GRM7: variants seen among roughly 807,000 people sequenced by gnomAD.
GRM7 encodes metabotropic glutamate receptor 7.
GRM7 carries 35 observed loss-of-function variants against 84.5 expected under a neutral mutation model. That is an observed-to-expected ratio of 0.41 (90% CI 0.32 to 0.55). The LOEUF is 0.55. Ranked by LOEUF, GRM7 falls within the 20% of genes least tolerant of loss-of-function variation. GRM7 has a pLI of 0.19. For missense variants in GRM7, 1,003 were observed against 1,194.6 expected (o/e 0.84, Z 2.36); for synonymous variants, 487 against 455.1 (o/e 1.07, Z -0.89).
At chr3:7,523,478 C>T (rs564769423) in intron 7 of GRM7, among the ~76,000 whole-genome samples, 1 of 152,184 alleles carries the variant, frequency 6.6e-6, no homozygotes, top group South Asian at 2.1e-4. Flanking sequence ...CAGGCATCTC[C>T]GAGCTGGTAG....
chr3:7,186,055 T>C (rs998083700), intron 2 of GRM7, among the ~76,000 whole-genome samples: 15 of 152,220 alleles, frequency 9.9e-5, no homozygotes, highest in Non-Finnish European at 1.6e-4. Context: ...ACCATGGGCA[T>C]GTCTGGCTGC....
intron 7 of GRM7, among the ~76,000 whole-genome samples, chr3:7,514,836 G>C (rs145138522): frequency 6.6e-6 from 1 of 152,106 alleles, no homozygotes; most frequent in Non-Finnish European, 1.5e-5. Flanking sequence ...CGCAGGTGCA[G>C]GATTTTATTC....
At chr3:7,677,020 G>T (rs2125137332) in intron 8 of GRM7, among the ~76,000 whole-genome samples, 1 of 152,130 alleles carries the variant, frequency 6.6e-6, no homozygotes, top group South Asian at 2.1e-4. Flanking sequence ...CCAGCACTTT[G>T]GGAGGCCGAG....
At chr3:7,439,888 G>T (rs1052598788) in intron 5 of GRM7, among the ~76,000 whole-genome samples, 2 of 151,576 alleles carry the variant, frequency 1.3e-5, no homozygotes, top group Non-Finnish European at 2.9e-5. Context: ...AAGACAGAGG[G>T]AGCTGGCTAT....
At chr3:7,716,733 T>C (rs1478016253) in intron 9 of GRM7, among the ~76,000 whole-genome samples, 1 of 152,212 alleles carries the variant, frequency 6.6e-6, no homozygotes, top group African/African-American at 2.4e-5. Context: ...AATTGACATT[T>C]GGGCTGTATT....
chr3:7,045,002 A>T (rs1047877096), intron 1 of GRM7, among the ~76,000 whole-genome samples: 2 of 152,170 alleles, frequency 1.3e-5, no homozygotes, highest in Admixed American at 1.3e-4. Context: ...CTGTTGAATG[A>T]TTGGCACAGA....
At chr3:7,579,383 T>G in intron 8 of GRM7, 26 bp downstream of exon 8, 1 of 1,355,312 alleles carries the variant, frequency 7.4e-7, no homozygotes, top group Non-Finnish European at 1.0e-6. Context: ...CATCATAATA[T>G]GTTTTTTAAA....
chr3:7,737,090 G>A (rs1160142967), intron 9 of GRM7, among the ~76,000 whole-genome samples: 2 of 152,054 alleles, frequency 1.3e-5, no homozygotes, highest in Admixed American at 6.6e-5. Flanking sequence ...GCACTTTGAG[G>A]AATGAAATTT....
At chr3:7,070,467 T>G (rs1398763562) in intron 1 of GRM7, among the ~76,000 whole-genome samples, 1 of 152,166 alleles carries the variant, frequency 6.6e-6, no homozygotes, top group Non-Finnish European at 1.5e-5. Flanking sequence ...AAACTTATTT[T>G]TATTTAATCA....
chr3:7,480,270 A>G (rs1184433430), intron 7 of GRM7, among the ~76,000 whole-genome samples: 2 of 152,198 alleles, frequency 1.3e-5, no homozygotes, highest in African/African-American at 2.4e-5. Context: ...CTCTCCTGCA[A>G]TGTATTTTCC....
chr3:7,579,514 C>A (rs1018214218), intron 8 of GRM7, among the ~76,000 whole-genome samples, 157 bp downstream of exon 8: 26 of 152,154 alleles, frequency 1.7e-4, no homozygotes, highest in Non-Finnish European at 5.9e-5. Flanking sequence ...GGCTTCAATG[C>A]TACAAGAGTC....
intron 9 of GRM7, among the ~76,000 whole-genome samples, chr3:7,707,399 G>A (rs184594570): frequency 1.3e-5 from 2 of 152,234 alleles, no homozygotes; most frequent in African/African-American, 4.8e-5. Flanking sequence ...CTGAGGAAAA[G>A]TCACAAGGGA....
intron 1 of GRM7, among the ~76,000 whole-genome samples, chr3:6,896,689 A>G (rs1696194176): frequency 6.6e-6 from 1 of 152,188 alleles, no homozygotes; most frequent in Admixed American, 6.6e-5. Flanking sequence ...TGAACACTGG[A>G]TACAAGAATC....
At chr3:7,011,907 T>A (rs568262535) in intron 1 of GRM7, among the ~76,000 whole-genome samples, 1 of 152,102 alleles carries the variant, frequency 6.6e-6, no homozygotes, top group Non-Finnish European at 1.5e-5. Flanking sequence ...GCCATTTGGG[T>A]TTAGGTGGTT....
chr3:7,439,897 A>G (rs141713750), intron 5 of GRM7, among the ~76,000 whole-genome samples: 3 of 150,084 alleles, frequency 2.0e-5, no homozygotes, highest in African/African-American at 7.4e-5. Flanking sequence ...GGAGCTGGCT[A>G]TTACTTCTGC....
At chr3:7,221,942 G>A (rs1405713365) in intron 2 of GRM7, among the ~76,000 whole-genome samples, 1 of 151,506 alleles carries the variant, frequency 6.6e-6, no homozygotes, top group African/African-American at 2.4e-5. Context: ...AAGTAGCTGG[G>A]ATTATAGGCA....
At chr3:7,015,352 G>A (rs979858369) in intron 1 of GRM7, among the ~76,000 whole-genome samples, 2 of 152,186 alleles carry the variant, frequency 1.3e-5, no homozygotes, top group Non-Finnish European at 2.9e-5. Context: ...GTGGGATATC[G>A]ATAGATACTT....
At chr3:7,168,930 A>G (rs1291543735) in intron 2 of GRM7, among the ~76,000 whole-genome samples, 2 of 152,222 alleles carry the variant, frequency 1.3e-5, no homozygotes, top group African/African-American at 4.8e-5. Flanking sequence ...AAAGAATGAG[A>G]ACAGACCAGA....
At chr3:7,575,132 G>A (rs1694897111) in intron 7 of GRM7, among the ~76,000 whole-genome samples, 1 of 152,160 alleles carries the variant, frequency 6.6e-6, no homozygotes, top group Non-Finnish European at 1.5e-5. Flanking sequence ...TAGAGTGTCA[G>A]TTTTTGCTAT....
Sources: allele counts gnomAD v4.1 joint callset (sites outside exome capture counted in the v4.1 genomes callset), GRCh38; gene constraint gnomAD v4.1.1; transcripts MANE v1.5; gene names NCBI Gene and HGNC (gene_info 2026-07-23, HGNC 2026-07-21).